Variants in ABCA13 observed in about 807,000 individuals in gnomAD.
ABCA13 encodes the protein ATP-binding cassette sub-family A member 13.
A neutral mutation model predicts 478.7 loss-of-function variants in ABCA13; 476 were observed. That is an observed-to-expected ratio of 0.99 (90% CI 0.92 to 1.07). The LOEUF (loss-of-function observed/expected upper bound fraction) is 1.07. ABCA13 is among the 50% of genes least tolerant of loss of function. The probability of loss-of-function intolerance (pLI) is 0.00; values close to 1 mark genes in which losing one functional copy is unlikely to be tolerated. For synonymous variants in ABCA13, 2,252 were observed against 2,158.9 expected (o/e 1.04, Z -1.20); for missense variants, 6,060 against 5,910.6 (o/e 1.03, Z -0.83).
intron 15 of ABCA13, among the ~76,000 whole-genome samples, chr7:48,253,254 A>G (rs1426261256): frequency 1.3e-5 from 2 of 152,148 alleles, no homozygotes; most frequent in African/African-American, 4.8e-5. Flanking sequence ...TGGCATCCAA[A>G]CTATGCCACT....
chr7:48,209,860 A>G (rs975619189), intron 3 of ABCA13, among the ~76,000 whole-genome samples: 1 of 151,846 alleles, frequency 6.6e-6, no homozygotes, highest in African/African-American at 2.4e-5. Context: ...AACTTTATTT[A>G]TTTGGGTCTT....
chr7:48,459,690 TTTAG>T (rs1379872899), intron 43 of ABCA13, among the ~76,000 whole-genome samples: 3 of 152,204 alleles, frequency 2.0e-5, no homozygotes, highest in Admixed American at 1.3e-4. Context: ...TATCTGTACC[TTTAG>T]TTCCTGCCAA....
chr7:48,220,115 T>G (rs1787150770), intron 4 of ABCA13, among the ~76,000 whole-genome samples: 1 of 152,182 alleles, frequency 6.6e-6, no homozygotes, highest in Non-Finnish European at 1.5e-5. Flanking sequence ...ACATTATAAA[T>G]GGCTTCATCT....
At position 48,273,448 on chromosome 7, in the gene ABCA13, A is replaced by T. The variant is rs774210889; in HGVS notation, c.3782A>T (p.Glu1261Val). 11 of 1,612,642 alleles carry T rather than the reference A, an allele frequency of 6.8e-6. No individual in the cohort carries two copies. In the South Asian group the frequency reaches 1.2e-4, roughly 18 times the overall value. Residue 1261 changes from glutamate (E) to valine (V), a missense_variant, in exon 17 of 62, where the codon GAA becomes GTA. Transcript: ENST00000435803. ...EQVEKSLFTM[E>V]AALHQLKTFP... ...GTGGAGAAATCCCTTTTCACCATGG[A>T]AGCTGCCCTGCATCAGTTGAAGACA...
At chr7:48,571,417 T>C (rs1272921257) in intron 55 of ABCA13, among the ~76,000 whole-genome samples, 1 of 152,164 alleles carries the variant, frequency 6.6e-6, no homozygotes, top group Non-Finnish European at 1.5e-5. Context: ...TATCTTAATC[T>C]CTCATTAAAT....
intron 55 of ABCA13, among the ~76,000 whole-genome samples, chr7:48,528,550 C>A (rs1170084415): frequency 1.3e-5 from 2 of 152,074 alleles, no homozygotes; most frequent in South Asian, 4.1e-4. Flanking sequence ...GAGTAAAGGG[C>A]CTTGGAGGTC....
At chr7:48,240,840 C>T (rs373002820) in intron 9 of ABCA13, 27 bp from the exon 10 acceptor site, 8 of 1,466,368 alleles carry the variant, frequency 5.5e-6, no homozygotes, top group Non-Finnish European at 7.2e-6. Context: ...ATTATTAATG[C>T]TAGTATTTTG....
chr7:48,372,337 G>C lies in ABCA13; in HGVS notation c.10973G>C (p.Gly3658Ala). 6.2e-7 allele frequency: 1 copy of C among 1,613,742 alleles called. No individual in the cohort carries two copies. The highest frequency in any genetic ancestry group is 8.5e-7 in the Non-Finnish European group (1 of 1,179,812). The change falls in exon 33 of 62, where the codon GGG (glycine) becomes GCG (alanine). Residue 3658 changes from glycine (G) to alanine (A), a missense_variant. By Grantham distance (60) the Gly-to-Ala change is moderately conservative. Transcript: ENST00000435803. ...FIVFLFLLDF[G>A]MSVVMLSYLL... ...GTTTTCCTCTTTCTCTTGGATTTTG[G>C]GATGTCAGTCGTCATGCTGAGCTAC...
intron 55 of ABCA13, among the ~76,000 whole-genome samples, chr7:48,572,455 C>T (rs1055887129): frequency 2.0e-5 from 3 of 152,096 alleles, no homozygotes; most frequent in African/African-American, 7.2e-5. Flanking sequence ...GTAGGTGGGA[C>T]TACATGCCCA....
rs1584772832 is a variant in ABCA13 at position 48,310,006 on chromosome 7, TCTC to T, written c.9384_9386del (p.Leu3130del). 1 of 1,613,952 alleles carries T rather than the reference TCTC, an allele frequency of 6.2e-7. No homozygotes were observed. Among genetic ancestry groups the T allele is most frequent in the Non-Finnish European group, 8.5e-7 (1 of 1,179,834 alleles). ...GAAAGTGTGATCAGGAAATCCTTCATCTCCTGCTGACATTTCCCAAAGGGGAAA... is the reference window on the plus strand; with the variant it reads ...GAAAGTGTGATCAGGAAATCCTTCATCTGCTGACATTTCCCAAAGGGGAAA... On this transcript the variant is annotated inframe_deletion, in exon 24 of 62. Coordinates refer to ENST00000435803, the MANE Select transcript of ABCA13 (RefSeq NM_152701.5).
chr7:48,558,767 T>A (rs951668780), intron 55 of ABCA13, among the ~76,000 whole-genome samples: 1 of 152,228 alleles, frequency 6.6e-6, no homozygotes, highest in African/African-American at 2.4e-5. Context: ...AGGTCACATA[T>A]CTCTGTTTCT....
At chr7:48,348,822 A>G (rs953809514) in intron 29 of ABCA13, among the ~76,000 whole-genome samples, 1 of 152,216 alleles carries the variant, frequency 6.6e-6, no homozygotes, top group Non-Finnish European at 1.5e-5. Flanking sequence ...AATTCTTTGA[A>G]TTCTGGATCA....
At chr7:48,406,771 G>A (rs1404398887) in intron 39 of ABCA13, among the ~76,000 whole-genome samples, 1 of 152,102 alleles carries the variant, frequency 6.6e-6, no homozygotes, top group Non-Finnish European at 1.5e-5. Flanking sequence ...TACTTGGGAG[G>A]CTGAGGCAGG....
At chr7:48,552,377 T>G (rs1426268503) in intron 55 of ABCA13, among the ~76,000 whole-genome samples, 1 of 151,836 alleles carries the variant, frequency 6.6e-6, no homozygotes, top group Non-Finnish European at 1.5e-5. Context: ...TTTACTCATC[T>G]AAGAAAATGT....
intron 3 of ABCA13, among the ~76,000 whole-genome samples, chr7:48,216,477 A>G (rs1313249777): frequency 2.0e-5 from 3 of 152,278 alleles, no homozygotes; most frequent in African/African-American, 7.2e-5. Context: ...AATTCTTCAT[A>G]TATTTTACAG....
intron 59 of ABCA13, among the ~76,000 whole-genome samples, chr7:48,630,245 G>A (rs1794057376): frequency 6.6e-6 from 1 of 151,986 alleles, no homozygotes; most frequent in South Asian, 2.1e-4. Context: ...TGGTGTACAC[G>A]TTATTTCATC....
intron 26 of ABCA13, among the ~76,000 whole-genome samples, chr7:48,314,673 A>C (rs1260669748): frequency 6.6e-6 from 1 of 152,140 alleles, no homozygotes; most frequent in Non-Finnish European, 1.5e-5. Flanking sequence ...CCCCAGCCCC[A>C]TTGGTTTCCC....
chr7:48,328,719 T>A (rs1804708649), intron 27 of ABCA13, among the ~76,000 whole-genome samples: 1 of 152,020 alleles, frequency 6.6e-6, no homozygotes. Context: ...GAGGAAAAAT[T>A]ATAAACATAT....
At chr7:48,278,012 A>G (rs559400012) in intron 17 of ABCA13, 82 bp from the exon 18 acceptor site, 76 of 455,332 alleles carry the variant, frequency 1.7e-4, no homozygotes, top group African/African-American at 1.4e-3. Flanking sequence ...ATAAAATAAT[A>G]TAAATCACTA....
Sources: gnomAD v4.1 joint callset for allele counts (sites outside exome capture counted in the v4.1 genomes callset) on GRCh38, gnomAD v4.1.1 for gene constraint, MANE v1.5 for transcripts, NCBI Gene and HGNC (gene_info 2026-07-23, HGNC 2026-07-21) for gene names.